LINGO2: variants seen among roughly 807,000 people sequenced by gnomAD.
The protein encoded by LINGO2 is leucine rich repeat and Ig domain containing 2.
Under a neutral mutation model 30.6 loss-of-function variants are expected in LINGO2, and 14 were observed. The observed-to-expected ratio is 0.46, with a 90% CI of 0.30 to 0.72. The LOEUF (loss-of-function observed/expected upper bound fraction) is 0.72. LINGO2 is among the 30% of genes least tolerant of loss of function. LINGO2 has a pLI of 0.07. For missense variants in LINGO2, 729 were observed against 751.7 expected, an observed-to-expected ratio of 0.97 and a Z score of 0.35; for synonymous variants, 317 against 288.5, an observed-to-expected ratio of 1.10 and a Z score of -1.00.
At chr9:28,769,870 T>C in the LINGO2 span, among the ~76,000 whole-genome samples, 1 of 152,128 alleles carries the variant, frequency 6.6e-6, no homozygotes, top group East Asian at 1.9e-4. Flanking sequence ...TTGTACAGGC[T>C]GTGCTCTTAC....
intron 4 of LINGO2, among the ~76,000 whole-genome samples, chr9:28,248,502 T>G (rs1371092471): frequency 2.0e-5 from 3 of 152,138 alleles, no homozygotes; most frequent in Non-Finnish European, 4.4e-5. Flanking sequence ...TGCAGATTGT[T>G]GACGGGCACA....
intron 4 of LINGO2, among the ~76,000 whole-genome samples, chr9:28,251,831 C>T (rs896842274): frequency 6.6e-6 from 1 of 152,048 alleles, no homozygotes; most frequent in East Asian, 1.9e-4. Flanking sequence ...AAGGGTCAAT[C>T]CTTCAAGAAG....
At chr9:28,562,278 G>C (rs1391593475) in intron 1 of LINGO2, among the ~76,000 whole-genome samples, 1 of 151,894 alleles carries the variant, frequency 6.6e-6, no homozygotes, top group African/African-American at 2.4e-5. Flanking sequence ...AGATTAGAAA[G>C]CATTGTTCTT....
intron 1 of LINGO2, among the ~76,000 whole-genome samples, chr9:28,607,529 A>C (rs1825743259): frequency 6.6e-6 from 1 of 151,998 alleles, no homozygotes; most frequent in Non-Finnish European, 1.5e-5. Context: ...CTTGACTCCA[A>C]AGTATGCCAT....
At chr9:28,870,891 T>C in the LINGO2 span, among the ~76,000 whole-genome samples, 2 of 152,014 alleles carry the variant, frequency 1.3e-5, no homozygotes, top group African/African-American at 2.4e-5. Flanking sequence ...TTAAAACATG[T>C]ATCAGCCAAA....
chr9:28,175,053 G>A (rs1027346091), intron 4 of LINGO2, among the ~76,000 whole-genome samples: 10 of 151,996 alleles, frequency 6.6e-5, no homozygotes, highest in East Asian at 1.9e-4. Flanking sequence ...GGCAGATTTC[G>A]TGTTTAGTAA....
chr9:29,087,778 G>GA, the LINGO2 span, among the ~76,000 whole-genome samples: 2 of 151,570 alleles, frequency 1.3e-5, no homozygotes, highest in South Asian at 2.1e-4. Flanking sequence ...TCATTCCTTG[G>GA]AAAAAAAAGG....
chr9:28,783,634 G>A, the LINGO2 span, among the ~76,000 whole-genome samples: 3,785 of 152,132 alleles, frequency 0.025, 139 homozygotes, highest in South Asian at 0.14. Context: ...TCTACACTGA[G>A]GAAATAACAT....
chr9:29,140,568 G>A, the LINGO2 span, among the ~76,000 whole-genome samples: 1 of 151,650 alleles, frequency 6.6e-6, no homozygotes, highest in African/African-American at 2.4e-5. Context: ...TATATATTAT[G>A]GAAGTCTCAG....
At chr9:28,848,062 T>C in the LINGO2 span, among the ~76,000 whole-genome samples, 2 of 8,660 alleles carry the variant, frequency 2.3e-4, 1 homozygote, top group African/African-American at 4.7e-4. Context: ...TATATATATA[T>C]GTATATAATA....
At chr9:28,428,963 A>C (rs1823531832) in intron 2 of LINGO2, among the ~76,000 whole-genome samples, 1 of 152,208 alleles carries the variant, frequency 6.6e-6, no homozygotes. Flanking sequence ...GGTAGCTCTA[A>C]GTGAACATGA....
At position 28,479,342 on chromosome 9, in the gene LINGO2, A is replaced by G. The variant is rs1327190509; in HGVS notation, c.-364-3317T>C. Reference sequence around the variant, plus strand: ...TGCTAGAAGATATTTTAGGTAGCCAATTATATTACAAAAGAGAACATAGGA... The same window carrying G: ...TGCTAGAAGATATTTTAGGTAGCCAGTTATATTACAAAAGAGAACATAGGA... On this transcript the variant is annotated intron_variant, in intron 1 of 5. Transcript: ENST00000379992. Among the ~76,000 whole-genome samples the G allele has an allele frequency of 2.6e-5, 4 of 152,102 alleles. No individual in the cohort carries two copies. The East Asian group carries it at 7.7e-4, about 29-fold the overall frequency.
intron 1 of LINGO2, among the ~76,000 whole-genome samples, chr9:28,638,251 G>A (rs1827384383): frequency 6.6e-6 from 1 of 152,152 alleles, no homozygotes; most frequent in African/African-American, 2.4e-5. Flanking sequence ...CTGCATCGAT[G>A]TTCATCAGGG....
At chr9:29,016,885 C>A in the LINGO2 span, among the ~76,000 whole-genome samples, 1 of 152,220 alleles carries the variant, frequency 6.6e-6, no homozygotes, top group Non-Finnish European at 1.5e-5. Flanking sequence ...CTTACCAGTG[C>A]CTTTGTGTTT....
intron 2 of LINGO2, among the ~76,000 whole-genome samples, chr9:28,382,512 A>T (rs562076613): frequency 2.0e-5 from 3 of 152,290 alleles, no homozygotes; most frequent in Admixed American, 1.3e-4. Context: ...AACAGCAATT[A>T]AACACATTTC....
intron 4 of LINGO2, among the ~76,000 whole-genome samples, chr9:28,204,902 G>T (rs943478671): frequency 1.1e-4 from 17 of 152,196 alleles, no homozygotes; most frequent in African/African-American, 4.1e-4. Context: ...GGTTTGGAGG[G>T]CATATGGCAG....
At chr9:28,437,960 CTT>C (rs530707652) in intron 2 of LINGO2, among the ~76,000 whole-genome samples, 85 of 152,070 alleles carry the variant, frequency 5.6e-4, no homozygotes, top group Non-Finnish European at 9.0e-4. Context: ...AAGAAAAAGA[CTT>C]TTTTTCATAC....
intron 4 of LINGO2, among the ~76,000 whole-genome samples, chr9:28,263,308 C>T (rs1822631252): frequency 6.6e-6 from 1 of 151,924 alleles, no homozygotes; most frequent in African/African-American, 2.4e-5. Context: ...TTGATTAATT[C>T]AAAATCAACT....
the LINGO2 span, among the ~76,000 whole-genome samples, chr9:28,978,922 A>T: frequency 6.6e-6 from 1 of 152,278 alleles, no homozygotes; most frequent in Admixed American, 6.5e-5. Flanking sequence ...ATAGTCATAC[A>T]TTGATTGTAA....
Sources: gnomAD v4.1 joint callset for allele counts (sites outside exome capture counted in the v4.1 genomes callset) on GRCh38, gnomAD v4.1.1 for gene constraint, MANE v1.5 for transcripts, NCBI Gene and HGNC (gene_info 2026-07-23, HGNC 2026-07-21) for gene names.